The following FOXN2 variants were observed in gnomAD, a reference collection of about 807,000 sequenced individuals.
FOXN2 encodes the protein forkhead box N2.
Under a neutral mutation model 41.2 loss-of-function variants are expected in FOXN2, and 19 were observed. The observed-to-expected ratio is 0.46, with a 90% CI of 0.32 to 0.68. The LOEUF is 0.68. Ranked by LOEUF, FOXN2 falls within the 30% of genes least tolerant of loss-of-function variation. FOXN2 has a pLI of 0.03. For synonymous variants in FOXN2, 195 were observed against 176.8 expected (o/e 1.10, Z -0.82); for missense variants, 587 against 509.4 (o/e 1.15, Z -1.47).
chr2:48,362,937 C>T (rs544579401), intron 5 of FOXN2, among the ~76,000 whole-genome samples: 6 of 152,100 alleles, frequency 3.9e-5, no homozygotes, highest in Admixed American at 1.3e-4. Flanking sequence ...AAGTATAGCA[C>T]GTAGTTATGT....
chr2:48,323,369 C>G (rs1056373523), intron 1 of FOXN2, among the ~76,000 whole-genome samples: 1 of 152,074 alleles, frequency 6.6e-6, no homozygotes, highest in East Asian at 1.9e-4. Context: ...TATGCGCATT[C>G]CCCCTTTCTC....
At chr2:48,335,334 TG>T (rs140673181) in intron 2 of FOXN2, among the ~76,000 whole-genome samples, 11,375 of 152,222 alleles carry the variant, frequency 0.075, 587 homozygotes, top group Non-Finnish European at 0.11. Context: ...GCAAATATGC[TG>T]TTGAAAAGTT....
intron 3 of FOXN2, among the ~76,000 whole-genome samples, chr2:48,353,223 G>T (rs1311398560): frequency 6.6e-6 from 1 of 151,902 alleles, no homozygotes; most frequent in Non-Finnish European, 1.5e-5. Context: ...TGTCTTTGCA[G>T]TTTTTTTTCT....
In FOXN2 at chr2:48,359,035, A is replaced by C. The variant is rs374866461; in HGVS notation, c.538-12A>C. ...TAAAAGTTCCTAGTTATTCTTGTGC[A>C]TTTTATTCTAGGTTAATGGAAAAGG... On this transcript the variant is annotated splice_polypyrimidine_tract_variant and intron_variant, in intron 3 of 6. Transcript: ENST00000340553. 2.0e-5 allele frequency: 32 copies of C among 1,598,508 alleles called. No individual in the cohort carries two copies. Among genetic ancestry groups the C allele is most frequent in the Non-Finnish European group, 2.7e-5 (32 of 1,168,348 alleles).
intron 3 of FOXN2, among the ~76,000 whole-genome samples, chr2:48,357,432 G>T (rs1427271151): frequency 6.6e-6 from 1 of 151,846 alleles, no homozygotes; most frequent in Non-Finnish European, 1.5e-5. Context: ...GTAATGCTGC[G>T]TATCTTTTCT....
intron 2 of FOXN2, among the ~76,000 whole-genome samples, chr2:48,333,526 A>G (rs1239306575): frequency 1.3e-5 from 2 of 152,120 alleles, no homozygotes; most frequent in Non-Finnish European, 2.9e-5. Flanking sequence ...ACTTACAAGT[A>G]TTTGTTGGGG....
Position 48,375,619 on chromosome 2 carries a change from G to A in FOXN2, c.*176G>A. 3.4e-6 allele frequency: 2 copies of A among 594,362 alleles called. No homozygotes were observed. Among genetic ancestry groups the A allele is most frequent in the South Asian group, 4.8e-5 (2 of 41,382 alleles). The allele number at this position is 594,362 out of a possible 1,614,324, so 36.8% of individuals were successfully genotyped here. On this transcript the variant is annotated 3_prime_UTR_variant, in exon 7 of 7. Coordinates refer to ENST00000340553, the MANE Select transcript of FOXN2 (RefSeq NM_002158.4). ...ATTAAACAATTGCTGTTAGGATCAT[G>A]CCTGATCAGAAATACATGATGTGAA...
intron 2 of FOXN2, among the ~76,000 whole-genome samples, chr2:48,339,701 T>G (rs2104317684): frequency 6.6e-6 from 1 of 152,306 alleles, no homozygotes; most frequent in East Asian, 1.9e-4. Context: ...TGGTAAGCAG[T>G]TTGTCATCAA....
intron 6 of FOXN2, among the ~76,000 whole-genome samples, chr2:48,374,091 A>G (rs1239469058): frequency 2.6e-5 from 4 of 151,946 alleles, no homozygotes; most frequent in Non-Finnish European, 5.9e-5. Flanking sequence ...AAGCATTCTG[A>G]CAACAAAATA....
At chr2:48,363,362 A>C (rs1672323426) in intron 5 of FOXN2, among the ~76,000 whole-genome samples, 1 of 151,416 alleles carries the variant, frequency 6.6e-6, no homozygotes, top group South Asian at 2.1e-4. Flanking sequence ...ATTACAAAAG[A>C]GTAAAAATTT....
chr2:48,359,299 T>A (rs1050209740), intron 4 of FOXN2, 152 bp downstream of exon 4: 21 of 601,054 alleles, frequency 3.5e-5, no homozygotes, highest in Non-Finnish European at 4.8e-5. Context: ...GTTTTTGTTT[T>A]TGTTTTGTTT....
At chr2:48,366,721 T>C (rs1214176461) in intron 5 of FOXN2, among the ~76,000 whole-genome samples, 1 of 151,986 alleles carries the variant, frequency 6.6e-6, no homozygotes, top group Non-Finnish European at 1.5e-5. Context: ...CTTTTACAGA[T>C]AAGCAAACTG....
intron 5 of FOXN2, among the ~76,000 whole-genome samples, chr2:48,369,933 G>C (rs1207145913): frequency 6.6e-6 from 1 of 151,982 alleles, no homozygotes; most frequent in African/African-American, 2.4e-5. Flanking sequence ...CTGGGAGGTT[G>C]AGGCTACAGT....
At position 48,337,179 on chromosome 2, in the gene FOXN2, T is replaced by G. The variant is rs189595167; in HGVS notation, c.-15+8477T>G. Among the ~76,000 whole-genome samples, 173 of 152,288 alleles carry G rather than the reference T, an allele frequency of 1.1e-3. 1 individual carries two copies. Among genetic ancestry groups the G allele is most frequent in the Non-Finnish European group, 1.7e-3 (115 of 68,020 alleles). The stretch of plus-strand genomic sequence containing the variant: ...CGTTCATGATTTCAATTCATTTGAT[T>G]TTTAGATTCTATGAATAAGTGAGAA... On this transcript the variant is annotated intron_variant, in intron 2 of 6. Coordinates refer to ENST00000340553, the MANE Select transcript of FOXN2 (RefSeq NM_002158.4).
chr2:48,343,091 A>G (rs988329100), intron 2 of FOXN2, among the ~76,000 whole-genome samples: 1 of 152,216 alleles, frequency 6.6e-6, no homozygotes, highest in Admixed American at 6.5e-5. Flanking sequence ...AGTAGTATTG[A>G]TAAAAATTCA....
rs199863114 is a variant in FOXN2, at chr2:48,375,195, G to C, written c.1048G>C (p.Glu350Gln). Residue 350 changes from glutamate to glutamine, a missense_variant, in exon 7 of 7, where the codon GAA becomes CAA. Glu to Gln is a conservative substitution (Grantham distance 29). Coordinates refer to ENST00000340553, the MANE Select transcript of FOXN2 (RefSeq NM_002158.4). ...GSDGSEGFHS[E>Q]EDTDVDYEDD... The stretch of plus-strand genomic sequence containing the variant: ...TGATGGCAGTGAAGGATTTCACAGT[G>C]AAGAAGATACAGACGTTGATTATGA... The C allele has an allele frequency of 6.2e-7, 1 of 1,614,164 alleles. No individual in the cohort carries two copies. The highest frequency in any genetic ancestry group is 2.2e-5 in the East Asian group (1 of 44,882).
chr2:48,331,632 A>G (rs1176530890), intron 2 of FOXN2, among the ~76,000 whole-genome samples: 1 of 152,126 alleles, frequency 6.6e-6, no homozygotes. Context: ...AACCTGAGCA[A>G]CATAAGGAGA....
chr2:48,349,617 T>G (rs551560930), intron 3 of FOXN2, among the ~76,000 whole-genome samples: 174 of 151,838 alleles, frequency 1.1e-3, no homozygotes, highest in Admixed American at 1.6e-3. Context: ...CTACGAAAAA[T>G]ACAACAAATT....
intron 6 of FOXN2, 119 bp from the exon 7 acceptor site, chr2:48,374,801 C>A (rs1317364557): frequency 1.2e-6 from 1 of 834,320 alleles, no homozygotes; most frequent in Non-Finnish European, 1.9e-6. Context: ...AATAAAAAAT[C>A]TACAAAGCAT....
Sources: gnomAD v4.1 joint callset for allele counts (sites outside exome capture counted in the v4.1 genomes callset) on GRCh38, gnomAD v4.1.1 for gene constraint, MANE v1.5 for transcripts, NCBI Gene and HGNC (gene_info 2026-07-23, HGNC 2026-07-21) for gene names.